The following EFCAB13 variants were observed in gnomAD, a reference collection of about 807,000 sequenced individuals.
The protein encoded by EFCAB13 is EF-hand calcium-binding domain-containing protein 13.
Under a neutral mutation model 110.2 loss-of-function variants are expected in EFCAB13, and 91 were observed. That is an observed-to-expected ratio of 0.83 (90% confidence interval 0.70 to 0.98). The LOEUF is 0.98. Ranked by LOEUF, EFCAB13 falls within the 50% of genes least tolerant of loss-of-function variation. The pLI, the probability that EFCAB13 is intolerant of heterozygous loss-of-function variation, is 0.00. For missense variants in EFCAB13, 968 were observed against 1,119.4 expected (o/e 0.86, Z 1.93); for synonymous variants, 323 against 369.9 (o/e 0.87, Z 1.45).
At position 47,440,713 on chromosome 17, in the gene EFCAB13, A is replaced by G; in HGVS notation, c.2921A>G (p.Ter974TrpextTer21). The change falls in exon 25 of 25, where the codon TAG becomes TGG. Residue 974 changes from the stop codon to tryptophan, a stop_lost. Transcript: ENST00000331493. Reference protein sequence around the residue: ...IAKLNPNSKF* With the variant: ...IAKLNPNSKFW Reference sequence around the variant, plus strand: ...AAGCTTAACCCAAACTCAAAATTTTAGGTAGTCTTACTTGATAGTGCTAGA... The same window carrying G: ...AAGCTTAACCCAAACTCAAAATTTTGGGTAGTCTTACTTGATAGTGCTAGA... 6.4e-7 allele frequency: 1 copy of G among 1,555,598 alleles called. No individual in the cohort carries two copies. Among genetic ancestry groups the G allele is most frequent in the Non-Finnish European group, 8.6e-7 (1 of 1,157,032 alleles).
intron 10 of EFCAB13, among the ~76,000 whole-genome samples, chr17:47,365,272 C>A (rs1419107225): frequency 1.3e-5 from 2 of 152,148 alleles, no homozygotes; most frequent in Admixed American, 6.5e-5. Flanking sequence ...ATGAATAATT[C>A]TGATTCCTCA....
At chr17:47,404,088 TA>T in intron 19 of EFCAB13, 67 bp downstream of exon 19, 7 of 1,248,970 alleles carry the variant, frequency 5.6e-6, no homozygotes, top group Non-Finnish European at 7.8e-6. Context: ...GCAAGGTCTA[TA>T]GGTATTTGCT....
chr17:47,338,317 G>A (rs1287350138), intron 5 of EFCAB13, among the ~76,000 whole-genome samples: 5 of 149,678 alleles, frequency 3.3e-5, no homozygotes, highest in Non-Finnish European at 3.0e-5. Flanking sequence ...TGGCATGATC[G>A]TAGCTCATCG....
chr17:47,395,938 G>C lies in EFCAB13; in HGVS notation c.1906G>C (p.Asp636His), dbSNP rs377512439. The stretch of plus-strand genomic sequence containing the variant: ...TAGTTTGAATAGTAATTTAAAAAAG[G>C]ATGAATTTCTAGCTGCATTGGAACT... ...LSSLNSNLKK[D>H]EFLAALELVT... Residue 636 changes from aspartate (D) to histidine (H), a missense_variant, in exon 17 of 25, where the codon GAT becomes CAT. Asp to His is a moderately conservative substitution (Grantham distance 81). Transcript: ENST00000331493. 6.2e-7 allele frequency: 1 copy of C among 1,608,894 alleles called. No homozygotes were observed. The highest frequency in any genetic ancestry group is 8.5e-7 in the Non-Finnish European group (1 of 1,176,576).
chr17:47,388,926 T>A (rs889724861), intron 14 of EFCAB13, among the ~76,000 whole-genome samples: 1 of 151,752 alleles, frequency 6.6e-6, no homozygotes, highest in Non-Finnish European at 1.5e-5. Flanking sequence ...TTTTTTTTTT[T>A]ATTATAACTG....
At chr17:47,324,741 C>CAG (rs1337879781) in intron 2 of EFCAB13, among the ~76,000 whole-genome samples, 1 of 151,904 alleles carries the variant, frequency 6.6e-6, no homozygotes, top group Non-Finnish European at 1.5e-5. Context: ...GGATGTCATA[C>CAG]AGAGTCATGC....
intron 23 of EFCAB13, among the ~76,000 whole-genome samples, chr17:47,421,028 T>G (rs1598762512): frequency 3.9e-5 from 5 of 126,782 alleles, no homozygotes; most frequent in East Asian, 2.3e-4. Context: ...GGTGGGGGGG[T>G]CAGCCCCCCG....
At chr17:47,438,498 CTTT>C (rs112384926) in intron 24 of EFCAB13, among the ~76,000 whole-genome samples, 1 of 142,342 alleles carries the variant, frequency 7.0e-6, no homozygotes, top group East Asian at 2.0e-4. Context: ...TAGTCTTATT[CTTT>C]TTTTTTTTTT....
chr17:47,414,796 C>T, intron 22 of EFCAB13, 52 bp from the exon 23 acceptor site: 1 of 1,191,084 alleles, frequency 8.4e-7, no homozygotes, highest in Non-Finnish European at 1.2e-6. Context: ...ATTTCATGTG[C>T]CAATTCAGTA....
At chr17:47,437,537 C>T (rs149244215) in intron 24 of EFCAB13, among the ~76,000 whole-genome samples, 3,437 of 152,228 alleles carry the variant, frequency 0.023, 107 homozygotes, top group East Asian at 0.18. Context: ...CTTTTAACTG[C>T]TGTTGCTTTA....
At chr17:47,387,067 C>T (rs1386402769) in intron 14 of EFCAB13, among the ~76,000 whole-genome samples, 3 of 152,088 alleles carry the variant, frequency 2.0e-5, no homozygotes, top group African/African-American at 4.8e-5. Flanking sequence ...AGCTGCAGAC[C>T]GGAGCTGTTC....
chr17:47,359,188 G>C (rs1310384720), intron 9 of EFCAB13, among the ~76,000 whole-genome samples: 1 of 152,084 alleles, frequency 6.6e-6, no homozygotes, highest in Non-Finnish European at 1.5e-5. Flanking sequence ...AAAGAAATTA[G>C]CGGGGCATAG....
Position 47,440,627 on chromosome 17 carries a change from T to C in EFCAB13, c.2835T>C (p.Asn945=), listed in dbSNP as rs773720374. 4 of 1,611,270 alleles carry C rather than the reference T, an allele frequency of 2.5e-6. No individual in the cohort carries two copies. The highest frequency in any genetic ancestry group is 3.4e-6 in the Non-Finnish European group (4 of 1,179,076). The stretch of plus-strand genomic sequence containing the variant: ...TAAGTAAGAAGCAATACAATATGAA[T>C]ATAAAACAACACAAGATTAGTTTAC... The part of the protein sequence containing the change: ...AQVSKKQYNM[N]IKQHKISLHN... Residue 945 remains asparagine, a synonymous_variant, in exon 25 of 25, where the codon AAT becomes AAC. Coordinates refer to ENST00000331493, the MANE Select transcript of EFCAB13 (RefSeq NM_152347.5).
At chr17:47,415,258 G>A (rs1357367986) in intron 23 of EFCAB13, among the ~76,000 whole-genome samples, 1 of 151,988 alleles carries the variant, frequency 6.6e-6, no homozygotes, top group Non-Finnish European at 1.5e-5. Flanking sequence ...GACAGGGGAG[G>A]GATAGCTTTA....
chr17:47,398,824 C>T (rs112700086), intron 17 of EFCAB13, among the ~76,000 whole-genome samples: 13,141 of 151,198 alleles, frequency 0.087, 828 homozygotes, highest in East Asian at 0.35. Flanking sequence ...TCCCCCTCTG[C>T]GAGAAACACC....
chr17:47,421,089 G>C (rs545336694), intron 23 of EFCAB13, among the ~76,000 whole-genome samples: 53 of 148,906 alleles, frequency 3.6e-4, no homozygotes, highest in Admixed American at 8.0e-4. Context: ...GCCCGGCCGC[G>C]CCTACTGGGA....
At chr17:47,392,170 C>T (rs991977668) in intron 15 of EFCAB13, among the ~76,000 whole-genome samples, 18 of 151,892 alleles carry the variant, frequency 1.2e-4, no homozygotes, top group Non-Finnish European at 2.2e-4. Flanking sequence ...TAACATTTTC[C>T]ATAATAAAAA....
intron 9 of EFCAB13, among the ~76,000 whole-genome samples, chr17:47,354,731 C>G (rs931821873): frequency 6.6e-6 from 1 of 152,108 alleles, no homozygotes; most frequent in African/African-American, 2.4e-5. Context: ...CTTTTTCCAC[C>G]CCTTTACCTT....
At chr17:47,386,704 T>C (rs1479701967) in intron 14 of EFCAB13, among the ~76,000 whole-genome samples, 5 of 152,080 alleles carry the variant, frequency 3.3e-5, no homozygotes, top group African/African-American at 1.2e-4. Context: ...TGCAGCTAGC[T>C]TGGTGTCAGC....
Sources: allele counts gnomAD v4.1 joint callset (sites outside exome capture counted in the v4.1 genomes callset), GRCh38; gene constraint gnomAD v4.1.1; transcripts MANE v1.5; gene names NCBI Gene and HGNC (gene_info 2026-07-23, HGNC 2026-07-21).